The following PPP2R2B variants were observed in gnomAD, a reference collection of about 807,000 sequenced individuals.
The protein encoded by PPP2R2B is protein phosphatase 2 regulatory subunit Bbeta.
A neutral mutation model predicts 46.0 loss-of-function variants in PPP2R2B; 5 were observed. The observed-to-expected ratio is 0.11, with a 90% confidence interval of 0.06 to 0.23. The LOEUF is 0.23. PPP2R2B is among the 10% of genes least tolerant of loss of function. PPP2R2B has a pLI of 1.00. For synonymous variants in PPP2R2B, 215 were observed against 206.7 expected (o/e 1.04, Z -0.34); for missense variants, 367 against 575.0 (o/e 0.64, Z 3.70).
chr5:147,046,691 AG>A (rs754670050), intron 1 of PPP2R2B, among the ~76,000 whole-genome samples: 1 of 152,188 alleles, frequency 6.6e-6, no homozygotes, highest in African/African-American at 2.4e-5. Flanking sequence ...GAATGAAAAC[AG>A]GAGCCGGCAT....
chr5:147,040,406 A>G (rs1484892888), intron 1 of PPP2R2B, among the ~76,000 whole-genome samples: 4 of 152,094 alleles, frequency 2.6e-5, no homozygotes, highest in Admixed American at 1.3e-4. Flanking sequence ...ACAGAAGACT[A>G]GAAATACTGC....
At chr5:147,064,060 C>T (rs556844389) in intron 2 of PPP2R2B, among the ~76,000 whole-genome samples, 89 of 152,296 alleles carry the variant, frequency 5.8e-4, no homozygotes, top group African/African-American at 2.0e-3. Flanking sequence ...TTCCCCTGGG[C>T]GTGTCACACT....
intron 2 of PPP2R2B, among the ~76,000 whole-genome samples, chr5:146,784,930 T>C (rs1755744680): frequency 6.6e-6 from 1 of 152,044 alleles, no homozygotes; most frequent in Non-Finnish European, 1.5e-5. Flanking sequence ...ATAGATGGAG[T>C]ATCAACTTTT....
intron 1 of PPP2R2B, among the ~76,000 whole-genome samples, chr5:146,892,059 G>A (rs931687637): frequency 6.6e-6 from 1 of 152,158 alleles, no homozygotes; most frequent in Non-Finnish European, 1.5e-5. Context: ...CCATTCACAT[G>A]CCTCTGTGTC....
chr5:147,032,261 G>A (rs569476989), intron 1 of PPP2R2B, among the ~76,000 whole-genome samples: 22 of 152,214 alleles, frequency 1.4e-4, no homozygotes, highest in Non-Finnish European at 2.2e-4. Context: ...ATTCTCAAAA[G>A]AAGATACACA....
chr5:146,961,099 C>CT (rs1021937155), intron 1 of PPP2R2B, among the ~76,000 whole-genome samples: 1 of 152,058 alleles, frequency 6.6e-6, no homozygotes, highest in African/African-American at 2.4e-5. Flanking sequence ...GTATAATTTG[C>CT]TTTTTTCCAG....
At chr5:147,004,781 TC>T (rs762656413) in intron 1 of PPP2R2B, among the ~76,000 whole-genome samples, 261 of 152,232 alleles carry the variant, frequency 1.7e-3, no homozygotes, top group Middle Eastern at 0.01. Flanking sequence ...ATGAAACTTT[TC>T]TTTATACATC....
intron 2 of PPP2R2B, among the ~76,000 whole-genome samples, chr5:146,788,340 G>T (rs1471802122): frequency 1.4e-5 from 2 of 138,710 alleles, no homozygotes; most frequent in African/African-American, 5.3e-5. Flanking sequence ...CTGGTTTAAA[G>T]AAAAAAAAAA....
At chr5:146,972,711 C>CA (rs1303240806) in intron 1 of PPP2R2B, among the ~76,000 whole-genome samples, 10 of 151,582 alleles carry the variant, frequency 6.6e-5, no homozygotes, top group East Asian at 5.8e-4. Flanking sequence ...GACTCCATCT[C>CA]AAAAAAACAA....
At chr5:146,976,808 T>C in intron 1 of PPP2R2B, among the ~76,000 whole-genome samples, 1 of 152,156 alleles carries the variant, frequency 6.6e-6, no homozygotes, top group East Asian at 1.9e-4. Context: ...GACTTTTGCA[T>C]ATTCATTCTT....
intron 2 of PPP2R2B, among the ~76,000 whole-genome samples, chr5:146,870,017 C>G (rs182630747): frequency 9.3e-4 from 140 of 150,728 alleles, no homozygotes; most frequent in African/African-American, 3.3e-3. Flanking sequence ...CAGCATCTTG[C>G]TACAATATTC....
chr5:146,987,233 T>A (rs1016574712), intron 1 of PPP2R2B, among the ~76,000 whole-genome samples: 1 of 152,104 alleles, frequency 6.6e-6, no homozygotes. Context: ...CTACCAGACC[T>A]GACTTATAAT....
chr5:146,590,542 G>GGTT (rs1770530711), intron 9 of PPP2R2B, among the ~76,000 whole-genome samples: 1 of 151,892 alleles, frequency 6.6e-6, no homozygotes, highest in Non-Finnish European at 1.5e-5. Context: ...GGTGTCCACT[G>GGTT]GTTTTAATGA....
chr5:146,795,635 A>C (rs1168882664), intron 2 of PPP2R2B, among the ~76,000 whole-genome samples: 1 of 152,172 alleles, frequency 6.6e-6, no homozygotes, highest in Non-Finnish European at 1.5e-5. Flanking sequence ...TGCTAAGAGT[A>C]GATGTTATTC....
At chr5:146,990,701 A>G (rs1309101244) in intron 1 of PPP2R2B, among the ~76,000 whole-genome samples, 1 of 152,142 alleles carries the variant, frequency 6.6e-6, no homozygotes, top group Non-Finnish European at 1.5e-5. Flanking sequence ...AAACAAAACC[A>G]AAAATAGACA....
At chr5:146,931,539 A>C (rs957016158) in intron 1 of PPP2R2B, among the ~76,000 whole-genome samples, 1 of 152,198 alleles carries the variant, frequency 6.6e-6, no homozygotes, top group African/African-American at 2.4e-5. Flanking sequence ...AGATTTACTC[A>C]GATGTCATCT....
At chr5:146,745,646 G>T (rs1753143592) in intron 2 of PPP2R2B, among the ~76,000 whole-genome samples, 1 of 152,170 alleles carries the variant, frequency 6.6e-6, no homozygotes, top group African/African-American at 2.4e-5. Flanking sequence ...ATGAGGTAAA[G>T]AAAGTATGCT....
At chr5:147,019,791 C>A (rs1580812496) in intron 1 of PPP2R2B, among the ~76,000 whole-genome samples, 1 of 152,220 alleles carries the variant, frequency 6.6e-6, no homozygotes, top group South Asian at 2.1e-4. Context: ...AAAGCCATCA[C>A]TTAAAGATGA....
At chr5:146,989,350 C>CA (rs1334848020) in intron 1 of PPP2R2B, among the ~76,000 whole-genome samples, 1 of 151,972 alleles carries the variant, frequency 6.6e-6, no homozygotes, top group African/African-American at 2.4e-5. Flanking sequence ...AAATCCTCAA[C>CA]AAAATACTAG....
Sources: gnomAD v4.1 joint callset for allele counts (sites outside exome capture counted in the v4.1 genomes callset) on GRCh38, gnomAD v4.1.1 for gene constraint, MANE v1.5 for transcripts, NCBI Gene and HGNC (gene_info 2026-07-23, HGNC 2026-07-21) for gene names.